HOXB3: variants seen among roughly 807,000 people sequenced by gnomAD.
The protein encoded by HOXB3 is homeobox protein Hox-B3.
A neutral mutation model predicts 29.2 loss-of-function variants in HOXB3; 17 were observed. The observed-to-expected ratio is 0.58, with a 90% CI of 0.40 to 0.87. The LOEUF is 0.87. HOXB3 is among the 40% of genes least tolerant of loss of function. The pLI, the probability that HOXB3 is intolerant of heterozygous loss-of-function variation, is 0.00. For missense variants in HOXB3, 637 were observed against 616.3 expected (o/e 1.03, Z -0.35); for synonymous variants, 317 against 285.9 (o/e 1.11, Z -1.10).
Position 48,550,208 on chromosome 17 carries a change from G to A in HOXB3, c.*126C>T, listed in dbSNP as rs979043590. ...GGGGGAAGGGAAGGAGCTCCAGGCC[G>A]GTTCTGACCAGGAAGCCTGGGTACC... On this transcript the variant is annotated 3_prime_UTR_variant, in exon 5 of 5. Transcript: ENST00000498678. The A allele has an allele frequency of 7.0e-6, 9 of 1,286,956 alleles. No homozygotes were observed. The highest frequency in any genetic ancestry group is 7.5e-6 in the Non-Finnish European group (7 of 937,080). 79.7% of individuals were successfully genotyped at this position (1,286,956 alleles called of 1,614,324 possible).
At chr17:48,567,300 A>G (rs1025793779) in intron 2 of HOXB3, among the ~76,000 whole-genome samples, 1 of 152,242 alleles carries the variant, frequency 6.6e-6, no homozygotes, top group Non-Finnish European at 1.5e-5. Context: ...GCCATGAATA[A>G]TTAACACCTG....
intron 2 of HOXB3, among the ~76,000 whole-genome samples, chr17:48,558,250 A>G (rs922037909): frequency 1.3e-5 from 2 of 152,098 alleles, no homozygotes; most frequent in African/African-American, 4.8e-5. Context: ...GCGGGCCTGG[A>G]GCTGAGCTGG....
Position 48,559,365 on chromosome 17 carries a change from C to T in HOXB3, c.-246-3747G>A, listed in dbSNP as rs1249961454. ...TCTCAGACTTGGGGCAGTCAAGGAT[C>T]CTGCCCCTGGCTCAATCCACACAAA... On this transcript the variant is annotated intron_variant, in intron 2 of 4. Coordinates refer to ENST00000498678, the MANE Select transcript of HOXB3 (RefSeq NM_001384749.1). Among the ~76,000 whole-genome samples, 5 of 152,158 alleles carry T rather than the reference C, an allele frequency of 3.3e-5. No individual in the cohort carries two copies. In the East Asian group the frequency reaches 9.6e-4, roughly 29 times the overall value.
intron 1 of HOXB3, chr17:48,578,055 G>T: frequency 1.1e-6 from 1 of 921,730 alleles, no homozygotes; most frequent in Non-Finnish European, 1.4e-6. Context: ...CGAGGGGACA[G>T]ACCGGGCGGT....
intron 1 of HOXB3, chr17:48,577,786 C>CG (rs1311495221): frequency 2.4e-6 from 3 of 1,262,452 alleles, no homozygotes; most frequent in East Asian, 5.8e-5. Context: ...CTCAACCCCC[C>CG]CCCAACCCAT....
intron 2 of HOXB3, among the ~76,000 whole-genome samples, 176 bp from the exon 3 acceptor site, chr17:48,555,794 G>A (rs948744611): frequency 1.3e-5 from 2 of 152,064 alleles, no homozygotes; most frequent in Non-Finnish European, 2.9e-5. Flanking sequence ...CAGGAGGGAG[G>A]GGGTGGGGGA....
chr17:48,555,028 T>C lies in HOXB3; in HGVS notation c.-159+503A>G, dbSNP rs115963008. On this transcript the variant is annotated intron_variant, in intron 3 of 4. Transcript: ENST00000498678. Reference sequence around the variant, plus strand: ...AGGGAGGGAGACGGTGGCTGCCGGCTTCCCCCCAGGGTCTCGCTGGAGAAG... The same window carrying C: ...AGGGAGGGAGACGGTGGCTGCCGGCCTCCCCCCAGGGTCTCGCTGGAGAAG... Among the ~76,000 whole-genome samples the C allele has an allele frequency of 3.1e-3, 464 of 148,488 alleles. 3 individuals carry two copies. Among genetic ancestry groups the C allele is most frequent in the African/African-American group, 0.011 (447 of 40,100 alleles).
At chr17:48,586,428 G>A (rs540413926) in intron 1 of HOXB3, among the ~76,000 whole-genome samples, 2 of 152,180 alleles carry the variant, frequency 1.3e-5, no homozygotes, top group South Asian at 2.1e-4. Context: ...CCCCACCCCC[G>A]GTCTACAGAG....
intron 1 of HOXB3, among the ~76,000 whole-genome samples, chr17:48,587,144 T>G (rs1327698456): frequency 6.6e-6 from 1 of 152,138 alleles, no homozygotes; most frequent in Non-Finnish European, 1.5e-5. Flanking sequence ...ACAGGATTCA[T>G]GTGCAGAGGG....
chr17:48,571,351 C>A (rs2069579774), intron 2 of HOXB3, among the ~76,000 whole-genome samples: 1 of 152,228 alleles, frequency 6.6e-6, no homozygotes, highest in African/African-American at 2.4e-5. Flanking sequence ...GCGCTGGGGC[C>A]GCCTTCAAGG....
rs2068803377 is a variant in HOXB3 at position 48,552,579 on chromosome 17, C to G, written c.-105G>C. On this transcript the variant is annotated 5_prime_UTR_variant, in exon 4 of 5. Coordinates refer to ENST00000498678, the MANE Select transcript of HOXB3 (RefSeq NM_001384749.1). Reference sequence around the variant, plus strand: ...GTCACGTGACACGCCGGACCCCCCCCCCCCACCTCCCCTCTCTGCCCCCCT... The same window carrying G: ...GTCACGTGACACGCCGGACCCCCCCGCCCCACCTCCCCTCTCTGCCCCCCT... The G allele has an allele frequency of 3.9e-6, 3 of 764,566 alleles. No individual in the cohort carries two copies. Among genetic ancestry groups the G allele is most frequent in the Admixed American group, 3.3e-5 (1 of 30,582 alleles). The allele number at this position is 764,566 out of a possible 1,614,324, so 47.4% of individuals were successfully genotyped here. A position where few individuals can be genotyped will look rare whatever the true frequency, so the allele number is the denominator to read the frequency against.
At position 48,550,388 on chromosome 17, in the gene HOXB3, G is replaced by A. The variant is rs1362378304; in HGVS notation, c.1242C>T (p.His414=). ...GGATTCTACCCTGAGGAGGAGGCGC[G>A]TGGTGAGAGGAGAGGTCTGTGTAGG... The part of the protein sequence containing the change: ...HPTYTDLSSH[H]APPPQGRIQE... The change falls in exon 5 of 5, where the codon CAC becomes CAT. Residue 414 remains histidine (H), a synonymous_variant. Coordinates refer to ENST00000498678, the MANE Select transcript of HOXB3 (RefSeq NM_001384749.1). 6.2e-7 allele frequency: 1 copy of A among 1,614,120 alleles called. No individual in the cohort carries two copies. The highest frequency in any genetic ancestry group is 8.5e-7 in the Non-Finnish European group (1 of 1,180,022).
chr17:48,564,999 TC>T (rs1327611771), intron 2 of HOXB3, among the ~76,000 whole-genome samples: 1 of 143,678 alleles, frequency 7.0e-6, no homozygotes, highest in Non-Finnish European at 1.5e-5. Flanking sequence ...AGGGGAAGCA[TC>T]CGCTTGTTAA....
chr17:48,579,805 C>T (rs1390665272), intron 1 of HOXB3: 9 of 433,902 alleles, frequency 2.1e-5, no homozygotes, highest in Non-Finnish European at 3.7e-5. Flanking sequence ...ACTACATATA[C>T]ATATATATAT....
At chr17:48,578,157 C>A (rs2069832632) in intron 1 of HOXB3, 1 of 1,599,900 alleles carries the variant, frequency 6.3e-7, no homozygotes, top group African/African-American at 1.3e-5. Context: ...GCGCGCCGCC[C>A]GAAGCCCGCC....
chr17:48,562,905 T>C (rs1240247463), intron 2 of HOXB3, among the ~76,000 whole-genome samples: 1 of 152,202 alleles, frequency 6.6e-6, no homozygotes, highest in African/African-American at 2.4e-5. Context: ...ACCGCCATCC[T>C]CCTGCATGGC....
intron 1 of HOXB3, among the ~76,000 whole-genome samples, chr17:48,585,485 C>A (rs558360070): frequency 6.6e-6 from 1 of 152,176 alleles, no homozygotes; most frequent in Non-Finnish European, 1.5e-5. Flanking sequence ...CTTGCGCGGC[C>A]GCTCGCTGAC....
At chr17:48,553,132 A>C (rs1211522119) in intron 3 of HOXB3, 1 of 152,340 alleles carries the variant, frequency 6.6e-6, no homozygotes. Context: ...AAGAACAGGC[A>C]GGAGAAGCAA....
intron 3 of HOXB3, 94 bp downstream of exon 3, chr17:48,555,434 CTCT>C (rs1393946048): frequency 1.5e-4 from 105 of 689,686 alleles, no homozygotes; most frequent in Non-Finnish European, 2.7e-4. Context: ...AGCTTGTGAA[CTCT>C]TCTTGAACCG....
Sources: allele counts gnomAD v4.1 joint callset (sites outside exome capture counted in the v4.1 genomes callset), GRCh38; gene constraint gnomAD v4.1.1; transcripts MANE v1.5; gene names NCBI Gene and HGNC (gene_info 2026-07-23, HGNC 2026-07-21).